NCAM1: variants seen among roughly 807,000 people sequenced by gnomAD.
The protein encoded by NCAM1 is antigen recognized by monoclonal antibody 5.1H11.
NCAM1 carries 14 observed loss-of-function variants against 109.8 expected under a neutral mutation model. The ratio of observed to expected loss-of-function variants is 0.13; its 90% CI spans 0.08 to 0.20. The LOEUF (loss-of-function observed/expected upper bound fraction) is 0.20, where lower values mean the gene tolerates loss of function less well. Among genes scored for constraint, NCAM1 ranks in the 10% least tolerant of loss-of-function variants. The pLI is 1.00. For missense variants in NCAM1, 774 were observed against 1,109.9 expected (o/e 0.70, Z 4.30); for synonymous variants, 418 against 442.9 (o/e 0.94, Z 0.70).
intron 1 of NCAM1, among the ~76,000 whole-genome samples, chr11:113,021,097 T>TAGTGCA (rs1344086908): frequency 6.6e-6 from 1 of 152,202 alleles, no homozygotes; most frequent in Non-Finnish European, 1.5e-5. Flanking sequence ...AGTCAGCAAC[T>TAGTGCA]GCTAACTTGT....
At chr11:113,255,078 T>C (rs1555122052) in intron 15 of NCAM1, among the ~76,000 whole-genome samples, 1 of 152,142 alleles carries the variant, frequency 6.6e-6, no homozygotes, top group East Asian at 1.9e-4. Flanking sequence ...GAAACAACTG[T>C]TTTTCTGTTG....
intron 1 of NCAM1, among the ~76,000 whole-genome samples, chr11:112,976,567 T>C (rs1951011844): frequency 6.6e-6 from 1 of 151,840 alleles, no homozygotes; most frequent in South Asian, 2.1e-4. Context: ...ACACTGAAAC[T>C]TCACAGGGAA....
At chr11:113,147,556 G>C (rs1351950865) in intron 1 of NCAM1, among the ~76,000 whole-genome samples, 1 of 152,176 alleles carries the variant, frequency 6.6e-6, no homozygotes, top group Non-Finnish European at 1.5e-5. Flanking sequence ...ACAGTAGGTG[G>C]GACGACTCTG....
intron 1 of NCAM1, among the ~76,000 whole-genome samples, chr11:113,009,019 G>A (rs996708925): frequency 3.9e-5 from 6 of 152,214 alleles, no homozygotes; most frequent in African/African-American, 1.2e-4. Flanking sequence ...GTCACAGCGG[G>A]AGAGTGCAAT....
chr11:113,204,187 G>C, intron 2 of NCAM1, 99 bp from the exon 3 acceptor site: 3 of 978,860 alleles, frequency 3.1e-6, no homozygotes, highest in Non-Finnish European at 4.6e-6. Context: ...TGACTGATCT[G>C]TTGTTCAGTA....
At chr11:113,001,317 C>T (rs1211255760) in intron 1 of NCAM1, among the ~76,000 whole-genome samples, 1 of 152,100 alleles carries the variant, frequency 6.6e-6, no homozygotes, top group South Asian at 2.1e-4. Context: ...TGCCCTAGTT[C>T]AAGGAATTAC....
rs186951618 is a variant in NCAM1, at chr11:113,274,767, G to C, written c.2457-500G>C. 6.6e-6 allele frequency among the ~76,000 whole-genome samples: 1 copy of C among 152,310 alleles called. No homozygotes were observed. Among genetic ancestry groups the C allele is most frequent in the Non-Finnish European group, 1.5e-5 (1 of 68,018 alleles). ...CATCATCCTGCAACAGCACAGGGTG[G>C]GGTGGGGAAGGGACAGGCAAGAGTG... is the stretch of plus-strand genomic sequence containing the variant. On this transcript the variant is annotated intron_variant, in intron 19 of 19. Transcript: ENST00000316851. The surrounding 1 kb of genome is among the most constrained non-coding windows in gnomAD (Gnocchi z 4.1).
intron 1 of NCAM1, among the ~76,000 whole-genome samples, chr11:113,180,090 CCTT>C (rs1358659199): frequency 6.6e-6 from 1 of 152,166 alleles, no homozygotes; most frequent in Non-Finnish European, 1.5e-5. Context: ...AGCTGCTGCT[CCTT>C]CTTTTCTCAC....
intron 11 of NCAM1, 75 bp downstream of exon 11, chr11:113,232,429 A>C: frequency 7.1e-7 from 1 of 1,414,414 alleles, no homozygotes; most frequent in Non-Finnish European, 9.7e-7. Flanking sequence ...ATGCAGCTCA[A>C]GTCCTCTCTC....
chr11:113,031,299 T>C (rs1952705262), intron 1 of NCAM1, among the ~76,000 whole-genome samples: 2 of 152,188 alleles, frequency 1.3e-5, no homozygotes, highest in South Asian at 4.1e-4. Flanking sequence ...TTTCTTGTAC[T>C]TAGGAACACT....
At chr11:113,096,462 T>C (rs1939601759) in intron 1 of NCAM1, among the ~76,000 whole-genome samples, 1 of 152,154 alleles carries the variant, frequency 6.6e-6, no homozygotes, top group African/African-American at 2.4e-5. Flanking sequence ...CACAGGGTTG[T>C]GTGTTACGTT....
At chr11:113,001,984 C>A (rs1299987363) in intron 1 of NCAM1, among the ~76,000 whole-genome samples, 1 of 152,186 alleles carries the variant, frequency 6.6e-6, no homozygotes, top group African/African-American at 2.4e-5. Flanking sequence ...CAATTCTAGA[C>A]TACTCAGCCC....
intron 1 of NCAM1, among the ~76,000 whole-genome samples, chr11:113,046,697 G>C (rs1555080900): frequency 6.6e-6 from 1 of 151,716 alleles, no homozygotes; most frequent in Non-Finnish European, 1.5e-5. Context: ...CAGACAGAAA[G>C]ACAGATGAAC....
intron 1 of NCAM1, among the ~76,000 whole-genome samples, chr11:113,180,400 A>G (rs530085615): frequency 5.3e-5 from 8 of 152,370 alleles, no homozygotes; most frequent in Middle Eastern, 3.4e-3. Context: ...CTTGGGAAGC[A>G]TTAGCTGCAG....
rs561262145 is a variant in NCAM1 at position 113,156,445 on chromosome 11, A to T, written c.53-45934A>T. Among the ~76,000 whole-genome samples the T allele has an allele frequency of 1.1e-3, 170 of 152,308 alleles. 1 individual carries two copies. Among genetic ancestry groups the T allele is most frequent in the South Asian group, 8.9e-3 (43 of 4,822 alleles). On this transcript the variant is annotated intron_variant, in intron 1 of 19. Transcript: ENST00000316851. Reference sequence around the variant, plus strand: ...CCTAAGTTAGTTGTGCGAATGACACACTAGAGCAGAGGAAGATAATGCCAA... The same window carrying T: ...CCTAAGTTAGTTGTGCGAATGACACTCTAGAGCAGAGGAAGATAATGCCAA...
Position 113,242,874 on chromosome 11 carries a change from C to T in NCAM1, c.1826-3494C>T, listed in dbSNP as rs781853427. On this transcript the variant is annotated intron_variant, in intron 14 of 19. Coordinates refer to ENST00000316851, the MANE Select transcript of NCAM1 (RefSeq NM_181351.5). ...GAGTACAGGGCTGAGTTGCTCTCGGCCAGACCTCTGATCGCTTGTTGTAGA... is the reference window on the plus strand; with the variant it reads ...GAGTACAGGGCTGAGTTGCTCTCGGTCAGACCTCTGATCGCTTGTTGTAGA... 6 of 1,613,850 alleles carry T rather than the reference C, an allele frequency of 3.7e-6. No homozygotes were observed. In the South Asian group the frequency reaches 6.6e-5, roughly 18 times the overall value.
chr11:113,183,010 G>A (rs1943380470), intron 1 of NCAM1, among the ~76,000 whole-genome samples: 1 of 152,156 alleles, frequency 6.6e-6, no homozygotes. Flanking sequence ...TGTCAGTTGG[G>A]CCCCAGTTGT....
At chr11:112,991,975 T>C (rs1951468293) in intron 1 of NCAM1, among the ~76,000 whole-genome samples, 2 of 152,126 alleles carry the variant, frequency 1.3e-5, no homozygotes. Context: ...AAATATATTT[T>C]TATATTATTT....
chr11:112,975,595 A>T (rs1950986572), intron 1 of NCAM1, among the ~76,000 whole-genome samples: 1 of 151,948 alleles, frequency 6.6e-6, no homozygotes, highest in Non-Finnish European at 1.5e-5. Context: ...ATCACGTTTA[A>T]AATTTAAAAT....
Sources: allele counts gnomAD v4.1 joint callset (sites outside exome capture counted in the v4.1 genomes callset), GRCh38; gene constraint gnomAD v4.1.1; non-coding constraint Gnocchi (gnomAD v3.1); transcripts MANE v1.5; gene names NCBI Gene and HGNC (gene_info 2026-07-23, HGNC 2026-07-21).